Variants in RIF1 observed in about 807,000 individuals in gnomAD.
RIF1 encodes replication timing regulatory factor 1.
Under a neutral mutation model 247.1 loss-of-function variants are expected in RIF1, and 45 were observed. The observed-to-expected ratio is 0.18, with a 90% CI of 0.14 to 0.23. RIF1 has a LOEUF of 0.23. Among genes scored for constraint, RIF1 ranks in the 10% least tolerant of loss-of-function variants. The pLI is 1.00. For missense variants in RIF1, 2,967 were observed against 2,862.5 expected, an observed-to-expected ratio of 1.04 and a Z score of -0.83; for synonymous variants, 1,087 against 978.8, an observed-to-expected ratio of 1.11 and a Z score of -2.06.
chr2:151,458,225 G>GTTTTTTTTTTTTTTTTTTT (rs1559002529), intron 24 of RIF1, among the ~76,000 whole-genome samples: 1 of 115,200 alleles, frequency 8.7e-6, no homozygotes, highest in African/African-American at 3.0e-5. Context: ...GGAAATAGAT[G>GTTTTTTTTTTTTTTTTTTT]ATTTTTTTTT....
At position 151,446,428 on chromosome 2, in the gene RIF1, C is replaced by T. The variant is rs117711862; in HGVS notation, c.2097C>T (p.Ala699=). Residue 699 remains alanine (A), a splice_region_variant and synonymous_variant, in exon 20 of 36, where the codon GCC becomes GCT. Transcript: ENST00000444746. ...TCTTTTTTTGTTGTTATTGGTAGGC[C>T]ACCATGAAGACTTTGCTTAGAACTT... ...HIFSEQRFPV[A]TMKTLLRTWS... 2,664 of 1,613,622 alleles carry T rather than the reference C, an allele frequency of 1.7e-3. 41 individuals are homozygous for T. The East Asian group carries it at 0.033, about 20-fold the overall frequency.
At chr2:151,500,478 C>T (rs2063590833) in intron 11 of RIF1, among the ~76,000 whole-genome samples, 1 of 150,386 alleles carries the variant, frequency 6.6e-6, no homozygotes, top group African/African-American at 2.4e-5. Context: ...TAAAAGATAA[C>T]ATTAAATATA....
At chr2:151,439,708 G>A (rs1691907801) in intron 14 of RIF1, among the ~76,000 whole-genome samples, 1 of 150,796 alleles carries the variant, frequency 6.6e-6, no homozygotes, top group Non-Finnish European at 1.5e-5. Flanking sequence ...TCTCAGCCAG[G>A]CATGGTGGCT....
rs923513068 is a variant in RIF1, at chr2:151,462,740, A to G, written c.3364-144A>G. 3 of 637,770 alleles carry G rather than the reference A, an allele frequency of 4.7e-6. No individual in the cohort carries two copies. In the South Asian group the frequency reaches 6.7e-5, roughly 14 times the overall value. 39.5% of individuals were successfully genotyped at this position (637,770 alleles called of 1,614,324 possible). On this transcript the variant is annotated intron_variant, in intron 29 of 35. Coordinates refer to ENST00000444746, the MANE Select transcript of RIF1 (RefSeq NM_018151.5). ...CACAAACTGTTAGGTATCTACCACT[A>G]ACTTTGGAATAGTTGCCATATATTG...
At chr2:151,415,152 C>G (rs1159929806) in intron 4 of RIF1, among the ~76,000 whole-genome samples, 2 of 151,652 alleles carry the variant, frequency 1.3e-5, no homozygotes, top group Non-Finnish European at 2.9e-5. Context: ...TCGAGACCAT[C>G]CTGGCTAACA....
chr2:151,416,628 T>A lies in RIF1; in HGVS notation c.348T>A (p.Arg116=), dbSNP rs745915302. The A allele has an allele frequency of 5.0e-6, 8 of 1,612,056 alleles. No homozygotes were observed. The South Asian group carries it at 7.7e-5, about 16-fold the overall frequency. Residue 116 remains arginine (R), a synonymous_variant, in exon 5 of 36, where the codon CGT becomes CGA. Transcript: ENST00000444746. ...DTIKNSDKNV[R]TRALWVISKQ... ...TTAAGAATTCAGACAAAAATGTACGTACTAGAGCACTTTGGGTGATATCTA... is the reference window on the plus strand; with the variant it reads ...TTAAGAATTCAGACAAAAATGTACGAACTAGAGCACTTTGGGTGATATCTA...
chr2:151,450,728 C>T (rs1445355916), intron 20 of RIF1, among the ~76,000 whole-genome samples: 1 of 152,092 alleles, frequency 6.6e-6, no homozygotes, highest in Non-Finnish European at 1.5e-5. Flanking sequence ...GGATTACAAG[C>T]ATTCACCACC....
At chr2:151,410,125 C>T (rs918573119) in intron 1 of RIF1, 92 bp downstream of exon 1, 17 of 684,986 alleles carry the variant, frequency 2.5e-5, no homozygotes, top group African/African-American at 2.5e-4. Context: ...CCTCGTTCCC[C>T]GGGCTTCTCC....
Position 151,497,939 on chromosome 2 carries a change from T to C in RIF1, c.*514-1406T>C, listed in dbSNP as rs137985656. ...TGCTGAGGAAGGGCTGTCAGAGTTA[T>C]CCATGTTATTTTTTTTCATTTTTGT... is the stretch of plus-strand genomic sequence containing the variant. On this transcript the variant is annotated intron_variant and NMD_transcript_variant, in intron 10 of 13. Coordinates refer to the RIF1 transcript ENST00000454583. 12,687 of 1,448,728 alleles carry C rather than the reference T, an allele frequency of 8.8e-3. 60 individuals are homozygous for C. The highest frequency in any genetic ancestry group is 0.01 in the Non-Finnish European group (11,573 of 1,110,360). 89.7% of individuals were successfully genotyped at this position (1,448,728 alleles called of 1,614,324 possible). A position where few individuals can be genotyped will look rare whatever the true frequency, so the allele number is the denominator to read the frequency against.
At chr2:151,516,444 GTTTT>G in the RIF1 span, 1 of 1,567,456 alleles carries the variant, frequency 6.4e-7, no homozygotes, top group Non-Finnish European at 8.8e-7. Context: ...GTGTGGTGTG[GTTTT>G]TTTGACTTAC....
At chr2:151,457,507 T>G (rs1695403763) in intron 23 of RIF1, among the ~76,000 whole-genome samples, 1 of 152,232 alleles carries the variant, frequency 6.6e-6, no homozygotes, top group Non-Finnish European at 1.5e-5. Context: ...TAGGTAACTA[T>G]TTATCTTGTT....
chr2:151,428,402 A>G (rs1468400748), intron 8 of RIF1, among the ~76,000 whole-genome samples: 1 of 151,978 alleles, frequency 6.6e-6, no homozygotes, highest in Non-Finnish European at 1.5e-5. Context: ...TCAGGGTTCA[A>G]TGCCTTTTTT....
intron 15 of RIF1, among the ~76,000 whole-genome samples, chr2:151,441,677 T>TAA (rs1692317004): frequency 6.6e-6 from 1 of 152,238 alleles, no homozygotes; most frequent in Non-Finnish European, 1.5e-5. Context: ...TCGTTGGAGA[T>TAA]TAAAGACTTT....
At chr2:151,508,371 C>T (rs2071034388), downstream of RIF1, among the ~76,000 whole-genome samples, 1 of 152,176 alleles carries the variant, frequency 6.6e-6, no homozygotes, top group Admixed American at 6.5e-5. Context: ...AGAGGGGGAA[C>T]CTTGCTAGCT....
chr2:151,501,303 T>G, intron 11 of RIF1: 1 of 862,178 alleles, frequency 1.2e-6, no homozygotes, highest in Non-Finnish European at 1.8e-6. Flanking sequence ...GTTAAATTGA[T>G]TATTATAAAG....
At chr2:151,426,667 T>G (rs180705214) in intron 8 of RIF1, among the ~76,000 whole-genome samples, 636 of 152,030 alleles carry the variant, frequency 4.2e-3, no homozygotes, top group South Asian at 7.3e-3. Context: ...GGGTTTTTTT[T>G]TTGTTTTTTT....
chr2:151,529,118 C>T, the RIF1 span: 2 of 823,708 alleles, frequency 2.4e-6, no homozygotes, highest in South Asian at 1.5e-5. Context: ...ATCACTAGAG[C>T]TGAATTGCCT....
At position 151,463,402 on chromosome 2, in the gene RIF1, T is replaced by G; in HGVS notation, c.3882T>G (p.Ala1294=). ...GATCAAGCCGGAGAGCTGGTAAAGC[T>G]GAACAAACAGGGAATAAAAGGTCTA... ...TKRSSRRAGK[A]EQTGNKRSKP... Residue 1294 remains alanine, a synonymous_variant, in exon 30 of 36, where the codon GCT becomes GCG. Transcript: ENST00000444746. 6.2e-7 allele frequency: 1 copy of G among 1,613,892 alleles called. No homozygotes were observed. The highest frequency in any genetic ancestry group is 8.5e-7 in the Non-Finnish European group (1 of 1,179,946).
intron 16 of RIF1, 72 bp from the exon 17 acceptor site, chr2:151,443,187 A>T: frequency 2.1e-6 from 2 of 969,762 alleles, no homozygotes; most frequent in Non-Finnish European, 1.6e-6. Context: ...TTTATTTCTT[A>T]AATAACCAAT....
Sources: gnomAD v4.1 joint callset for allele counts (sites outside exome capture counted in the v4.1 genomes callset) on GRCh38, gnomAD v4.1.1 for gene constraint, MANE v1.5 for transcripts, NCBI Gene and HGNC (gene_info 2026-07-23, HGNC 2026-07-21) for gene names.